Variants in COMMD10 observed in about 807,000 individuals in gnomAD.
COMMD10 encodes COMM domain containing 10.
COMMD10 carries 33 observed loss-of-function variants against 28.9 expected under a neutral mutation model. That is an observed-to-expected ratio of 1.14 (90% CI 0.87 to 1.53). The LOEUF is 1.53. COMMD10 is among the 40% of genes most tolerant of loss of function. The probability of loss-of-function intolerance (pLI) is 0.00; values close to 1 mark genes in which losing one functional copy is unlikely to be tolerated. For missense variants in COMMD10, 310 were observed against 233.4 expected (o/e 1.33, Z -2.14); for synonymous variants, 110 against 81.7 (o/e 1.35, Z -1.87).
At chr5:116,115,014 A>G (rs1751184199) in intron 4 of COMMD10, among the ~76,000 whole-genome samples, 1 of 152,070 alleles carries the variant, frequency 6.6e-6, no homozygotes, top group East Asian at 1.9e-4. Flanking sequence ...GCCCCAGTTC[A>G]GCAAACCACA....
At chr5:116,162,316 T>C (rs1355828036) in intron 5 of COMMD10, among the ~76,000 whole-genome samples, 3 of 151,364 alleles carry the variant, frequency 2.0e-5, no homozygotes, top group South Asian at 2.1e-4. Context: ...CAAGAAAATA[T>C]GAAAATTACA....
At chr5:116,154,161 A>G (rs1233624282) in intron 5 of COMMD10, among the ~76,000 whole-genome samples, 1 of 147,786 alleles carries the variant, frequency 6.8e-6, no homozygotes, top group Non-Finnish European at 1.5e-5. Flanking sequence ...GAGTGTAAAC[A>G]TTATCATTTT....
At chr5:116,139,897 A>T (rs1752140803) in intron 5 of COMMD10, among the ~76,000 whole-genome samples, 1 of 151,934 alleles carries the variant, frequency 6.6e-6, no homozygotes, top group Middle Eastern at 3.4e-3. Flanking sequence ...TTGTGGTTAA[A>T]GCACGTAAAA....
intron 1 of COMMD10, 125 bp downstream of exon 1, chr5:116,085,218 G>A (rs1235575158): frequency 1.9e-5 from 13 of 695,022 alleles, no homozygotes; most frequent in Non-Finnish European, 3.2e-5. Context: ...GGGGTGGGGT[G>A]GGGTGGGCTG....
At chr5:116,094,032 T>A (rs960792305) in intron 4 of COMMD10, among the ~76,000 whole-genome samples, 1 of 152,124 alleles carries the variant, frequency 6.6e-6, no homozygotes, top group Non-Finnish European at 1.5e-5. Context: ...CAAAATTGAT[T>A]AAAGACTTAA....
chr5:116,199,546 GTAATGAT>G (rs1748610300), intron 5 of COMMD10, among the ~76,000 whole-genome samples: 1 of 152,034 alleles, frequency 6.6e-6, no homozygotes, highest in Non-Finnish European at 1.5e-5. Context: ...GTTCAAAATA[GTAATGAT>G]TTGGATCTGT....
chr5:116,185,364 G>A (rs1748103364), intron 5 of COMMD10, among the ~76,000 whole-genome samples: 1 of 152,102 alleles, frequency 6.6e-6, no homozygotes. Flanking sequence ...TAGCAGAGCA[G>A]CTATACTTTT....
At chr5:116,260,604 A>G (rs75455446) in intron 5 of COMMD10, among the ~76,000 whole-genome samples, 1 of 151,790 alleles carries the variant, frequency 6.6e-6, no homozygotes, top group South Asian at 2.1e-4. Context: ...GTTCTATGCA[A>G]GATTTAGTAA....
intron 6 of COMMD10, among the ~76,000 whole-genome samples, chr5:116,292,053 C>T (rs1580367349): frequency 6.6e-6 from 1 of 151,910 alleles, no homozygotes; most frequent in East Asian, 1.9e-4. Context: ...TGCCAGTGTA[C>T]TGCCACTGGA....
At chr5:116,219,788 A>G (rs562795099) in intron 5 of COMMD10, among the ~76,000 whole-genome samples, 1 of 152,328 alleles carries the variant, frequency 6.6e-6, no homozygotes, top group East Asian at 1.9e-4. Context: ...TTCTGTGTCT[A>G]ATGATGTAAT....
At chr5:116,281,972 A>T (rs1318305045) in intron 5 of COMMD10, among the ~76,000 whole-genome samples, 1 of 151,604 alleles carries the variant, frequency 6.6e-6, no homozygotes, top group African/African-American at 2.4e-5. Flanking sequence ...ATGTACTTTC[A>T]TGGTTTTAAA....
intron 5 of COMMD10, among the ~76,000 whole-genome samples, chr5:116,210,043 G>C (rs1324497002): frequency 6.6e-6 from 1 of 152,090 alleles, no homozygotes; most frequent in Non-Finnish European, 1.5e-5. Flanking sequence ...ATCACATGAA[G>C]AGGAGTTGTG....
At chr5:116,153,002 A>G (rs1019918253) in intron 5 of COMMD10, among the ~76,000 whole-genome samples, 3 of 152,034 alleles carry the variant, frequency 2.0e-5, no homozygotes, top group Non-Finnish European at 2.9e-5. Flanking sequence ...GGTATTTTAG[A>G]TTGGCATGGT....
At chr5:116,133,870 G>A (rs139331648) in intron 4 of COMMD10, among the ~76,000 whole-genome samples, 198 bp from the exon 5 acceptor site, 271 of 152,124 alleles carry the variant, frequency 1.8e-3, no homozygotes, top group African/African-American at 6.4e-3. Flanking sequence ...TGTTAAATTT[G>A]ACAGGCGTGG....
intron 5 of COMMD10, among the ~76,000 whole-genome samples, chr5:116,248,745 C>T (rs181345043): frequency 1.6e-3 from 246 of 151,822 alleles, no homozygotes; most frequent in African/African-American, 5.7e-3. Flanking sequence ...TTAAAAACAA[C>T]ACTAAAATAA....
chr5:116,153,526 A>G (rs546057212), intron 5 of COMMD10, among the ~76,000 whole-genome samples: 3 of 152,262 alleles, frequency 2.0e-5, no homozygotes, highest in South Asian at 4.1e-4. Flanking sequence ...GATCAAGACA[A>G]TAATGATAAT....
At chr5:116,135,254 TA>T (rs1561622981) in intron 5 of COMMD10, among the ~76,000 whole-genome samples, 1 of 152,144 alleles carries the variant, frequency 6.6e-6, no homozygotes, top group Admixed American at 6.6e-5. Flanking sequence ...GAAGAAATGT[TA>T]TTATTTATAA....
chr5:116,204,009 A>G (rs1580545973), intron 5 of COMMD10, among the ~76,000 whole-genome samples: 1 of 152,274 alleles, frequency 6.6e-6, no homozygotes, highest in African/African-American at 2.4e-5. Context: ...TCACGTGCAG[A>G]GACACACATA....
chr5:116,261,620 C>T (rs1243161825), intron 5 of COMMD10, among the ~76,000 whole-genome samples: 1 of 151,710 alleles, frequency 6.6e-6, no homozygotes, highest in African/African-American at 2.4e-5. Flanking sequence ...TGACTCCTGC[C>T]TCTTCTTTCT....
Sources: allele counts gnomAD v4.1 joint callset (sites outside exome capture counted in the v4.1 genomes callset), GRCh38; gene constraint gnomAD v4.1.1; transcripts MANE v1.5; gene names NCBI Gene and HGNC (gene_info 2026-07-23, HGNC 2026-07-21).